Variants in FBN1 observed in about 807,000 individuals in gnomAD.
FBN1 encodes the protein fibrillin 1.
Under a neutral mutation model 365.1 loss-of-function variants are expected in FBN1, and 29 were observed. The observed-to-expected ratio is 0.08, with a 90% confidence interval of 0.06 to 0.11. The LOEUF (loss-of-function observed/expected upper bound fraction) is 0.11, where lower values mean the gene tolerates loss of function less well. FBN1 is among the 10% of genes least tolerant of loss of function. FBN1 has a pLI of 1.00. For synonymous variants in FBN1, 1,210 were observed against 1,270.5 expected (o/e 0.95, Z 1.01); for missense variants, 2,476 against 3,703.2 (o/e 0.67, Z 8.60).
Position 48,504,044 on chromosome 15 carries a change from A to G in FBN1, c.1961-105T>C, listed in dbSNP as rs2043687928. On this transcript the variant is annotated intron_variant, in intron 16 of 65. Transcript: ENST00000316623. ...TTATTTATCCATCATCCCTGGTGTA[A>G]CTCACAGGGAATGCCTCTGATATCG... 2.2e-6 allele frequency: 3 copies of G among 1,345,376 alleles called. No homozygotes were observed. In the South Asian group the frequency reaches 3.6e-5, roughly 16 times the overall value. 83.3% of individuals were successfully genotyped at this position (1,345,376 alleles called of 1,614,324 possible). A position where few individuals can be genotyped will look rare whatever the true frequency, so the allele number is the denominator to read the frequency against.
chr15:48,572,200 C>T lies in FBN1; in HGVS notation c.538+24083G>A, dbSNP rs1440279445. On this transcript the variant is annotated intron_variant, in intron 6 of 65. Coordinates refer to ENST00000316623, the MANE Select transcript of FBN1 (RefSeq NM_000138.5). ...TTATGAATATGGATTACTTTGATAT[C>T]AGGATTTCTTAAGTAAAGGATCGAA... Among the ~76,000 whole-genome samples the T allele has an allele frequency of 2.6e-5, 4 of 152,032 alleles. No homozygotes were observed. The East Asian group carries it at 5.8e-4, about 22-fold the overall frequency.
Position 48,510,041 on chromosome 15 carries a change from T to C in FBN1, c.1714+3A>G. On this transcript the variant is annotated splice_donor_region_variant and intron_variant, in intron 14 of 65. Coordinates refer to ENST00000316623, the MANE Select transcript of FBN1 (RefSeq NM_000138.5). ...AGGACTAACATTAGTATACTATTATTACCTTCACAGTTCTTCCCATCTCGT... is the reference window on the plus strand; with the variant it reads ...AGGACTAACATTAGTATACTATTATCACCTTCACAGTTCTTCCCATCTCGT... 1 of 1,613,034 alleles carries C rather than the reference T, an allele frequency of 6.2e-7. No homozygotes were observed. The highest frequency in any genetic ancestry group is 8.5e-7 in the Non-Finnish European group (1 of 1,179,262).
intron 5 of FBN1, among the ~76,000 whole-genome samples, chr15:48,599,674 C>A (rs2044546733): frequency 6.6e-6 from 1 of 152,048 alleles, no homozygotes; most frequent in African/African-American, 2.4e-5. Context: ...ACTTCGGTAG[C>A]AGAATCTAGA....
At chr15:48,631,967 G>T (rs770903099) in intron 2 of FBN1, among the ~76,000 whole-genome samples, 7 of 152,150 alleles carry the variant, frequency 4.6e-5, no homozygotes, top group African/African-American at 7.2e-5. Context: ...TGCTAATCAG[G>T]AAAGAGGCAA....
chr15:48,549,579 T>C (rs1232564565), intron 6 of FBN1, among the ~76,000 whole-genome samples: 1 of 152,224 alleles, frequency 6.6e-6, no homozygotes, highest in Non-Finnish European at 1.5e-5. Context: ...CTAGTTCCAT[T>C]ACTTGCAACC....
intron 46 of FBN1, among the ~76,000 whole-genome samples, chr15:48,447,939 G>A (rs537218880): frequency 6.6e-6 from 1 of 152,206 alleles, no homozygotes; most frequent in South Asian, 2.1e-4. Context: ...TATGTTAGGG[G>A]GCTCCAGAAA....
rs183487708 is a variant in FBN1, at chr15:48,599,239, C to T, written c.442+900G>A. Among the ~76,000 whole-genome samples the T allele has an allele frequency of 3.6e-4, 54 of 152,046 alleles. No homozygotes were observed. The South Asian group carries it at 4.4e-3, about 12-fold the overall frequency. On this transcript the variant is annotated intron_variant, in intron 5 of 65. Coordinates refer to ENST00000316623, the MANE Select transcript of FBN1 (RefSeq NM_000138.5). The stretch of plus-strand genomic sequence containing the variant: ...TATACACAAAAGCAAAAATTAGAAA[C>T]GCCCTGAATAACGCCCACCATTGAG...
chr15:48,411,501 A>G, intron 65 of FBN1, 122 bp from the exon 66 acceptor site: 1 of 850,338 alleles, frequency 1.2e-6, no homozygotes, highest in African/African-American at 1.7e-5. Context: ...TGCATACACA[A>G]TATTGAAAGC....
intron 45 of FBN1, 117 bp downstream of exon 45, chr15:48,452,444 TC>T: frequency 8.1e-7 from 1 of 1,236,764 alleles, no homozygotes; most frequent in East Asian, 2.3e-5. Context: ...AGTTCATCAA[TC>T]TAAATCTTAA....
intron 6 of FBN1, among the ~76,000 whole-genome samples, chr15:48,591,581 T>C (rs574412471): frequency 3.9e-4 from 60 of 152,370 alleles, no homozygotes; most frequent in African/African-American, 1.4e-3. Context: ...TAGAGGAATA[T>C]TCCAAAACCC....
chr15:48,608,017 C>T (rs541475146), intron 4 of FBN1, among the ~76,000 whole-genome samples: 43 of 152,340 alleles, frequency 2.8e-4, no homozygotes, highest in Middle Eastern at 3.4e-3. Context: ...TGCTGAATGA[C>T]GAGTGTCGAG....
At chr15:48,615,050 G>A (rs1889625344) in intron 2 of FBN1, among the ~76,000 whole-genome samples, 1 of 152,148 alleles carries the variant, frequency 6.6e-6, no homozygotes, top group African/African-American at 2.4e-5. Context: ...GGAAGTGAGG[G>A]TAGACAGCTG....
At chr15:48,423,821 C>A (rs1032162861) in intron 60 of FBN1, among the ~76,000 whole-genome samples, 2 of 152,060 alleles carry the variant, frequency 1.3e-5, no homozygotes, top group Non-Finnish European at 2.9e-5. Context: ...AGAATTTGAA[C>A]CTTATGGGAA....
chr15:48,456,084 G>A (rs991740172), intron 44 of FBN1, among the ~76,000 whole-genome samples: 11 of 152,230 alleles, frequency 7.2e-5, no homozygotes, highest in South Asian at 2.1e-4. Context: ...GGAATGCTCC[G>A]AATCACAGTA....
chr15:48,428,047 T>C (rs2042994013), intron 57 of FBN1: 1 of 660,968 alleles, frequency 1.5e-6, no homozygotes, highest in Admixed American at 2.2e-5. Context: ...ATAGCCATGC[T>C]TACAGACAGA....
chr15:48,433,695 T>G (rs559352324), intron 54 of FBN1, among the ~76,000 whole-genome samples: 1 of 152,220 alleles, frequency 6.6e-6, no homozygotes, highest in South Asian at 2.1e-4. Context: ...AACTATCATG[T>G]TGCTCCCCAA....
In FBN1 at chr15:48,613,085, C is replaced by T. The variant is rs2044669648; in HGVS notation, c.172G>A (p.Val58Ile). 1.2e-6 allele frequency: 2 copies of T among 1,612,366 alleles called. No homozygotes were observed. The highest frequency in any genetic ancestry group is 1.3e-5 in the African/African-American group (1 of 74,964). ...TAAGCATTATAACGTGATCCACAGA[C>T]ATTGGGTCTAAAACAAAAACAGAAG... Reference protein sequence around the residue: ...GGHDALKGPNVCGSRYNAYCC... With the variant: ...GGHDALKGPNICGSRYNAYCC... Residue 58 changes from valine to isoleucine, a missense_variant, in exon 3 of 66, where the codon GTC (valine) becomes ATC (isoleucine). This residue lies in a region of FBN1 where 76 missense variants were observed against 85.4 expected (regional missense o/e 0.89). Transcript: ENST00000316623.
At chr15:48,569,565 T>C (rs2044289541) in intron 6 of FBN1, among the ~76,000 whole-genome samples, 1 of 152,078 alleles carries the variant, frequency 6.6e-6, no homozygotes, top group Admixed American at 6.5e-5. Flanking sequence ...CTGGAAACAA[T>C]CAAAATGTCC....
Position 48,470,765 on chromosome 15 carries a change from G to A in FBN1, c.4337-9C>T, listed in dbSNP as rs201001403. 8.7e-6 allele frequency: 14 copies of A among 1,613,778 alleles called. No homozygotes were observed. The East Asian group carries it at 8.9e-5, about 10-fold the overall frequency. The stretch of plus-strand genomic sequence containing the variant: ...GGAGCACTCATCAATATCTTGGGGG[G>A]AGGGAGAAAAAAGCAAAAAACTTAA... On this transcript the variant is annotated splice_polypyrimidine_tract_variant and intron_variant, in intron 35 of 65. Coordinates refer to ENST00000316623, the MANE Select transcript of FBN1 (RefSeq NM_000138.5).
Sources: allele counts gnomAD v4.1 joint callset (sites outside exome capture counted in the v4.1 genomes callset), GRCh38; gene constraint gnomAD v4.1.1; regional missense constraint gnomAD v4.1.1; transcripts MANE v1.5; gene names NCBI Gene and HGNC (gene_info 2026-07-23, HGNC 2026-07-21).